The following HDAC4 variants were observed in gnomAD, a reference collection of about 807,000 sequenced individuals.
The protein encoded by HDAC4 is histone deacetylase 4, also known as histone deacetylase A.
In HDAC4, 16 loss-of-function variants were observed where a neutral mutation model predicts 135.1. The observed-to-expected ratio is 0.12, with a 90% confidence interval of 0.08 to 0.18. The LOEUF (loss-of-function observed/expected upper bound fraction) is 0.18. Ranked by LOEUF, HDAC4 falls within the 10% of genes least tolerant of loss-of-function variation. HDAC4 has a pLI of 1.00. For missense variants in HDAC4, 1,143 were observed against 1,511.8 expected (o/e 0.76, Z 4.05); for synonymous variants, 685 against 653.4 (o/e 1.05, Z -0.74).
intron 5 of HDAC4, among the ~76,000 whole-genome samples, chr2:239,171,276 A>G (rs2043438636): frequency 1.3e-5 from 2 of 152,232 alleles, no homozygotes; most frequent in African/African-American, 4.8e-5. Context: ...ACGTGCAGAA[A>G]AAAATAAGAT....
chr2:239,205,919 G>A (rs962536159), intron 3 of HDAC4, among the ~76,000 whole-genome samples: 1 of 152,154 alleles, frequency 6.6e-6, no homozygotes, highest in Non-Finnish European at 1.5e-5. Flanking sequence ...ATGCAGTAAC[G>A]TTTCACCTTA....
In HDAC4 at chr2:239,257,486, C is replaced by A. The variant is rs559469659; in HGVS notation, c.23-20822G>T. ...TCTAAGAATCTTTAGTACTTTTGAC[C>A]GCCTCTTGCAGATATTAGGGTTAGG... On this transcript the variant is annotated intron_variant, in intron 2 of 26. Coordinates refer to ENST00000543185, the MANE Select transcript of HDAC4 (RefSeq NM_001378414.1). 1.1e-4 allele frequency among the ~76,000 whole-genome samples: 16 copies of A among 152,200 alleles called. No homozygotes were observed. The South Asian group carries it at 3.3e-3, about 32-fold the overall frequency.
At chr2:239,383,602 C>G (rs562681773) in intron 1 of HDAC4, among the ~76,000 whole-genome samples, 1 of 152,148 alleles carries the variant, frequency 6.6e-6, no homozygotes, top group African/African-American at 2.4e-5. Context: ...AAACCCAATA[C>G]GCTCAAAGAG....
At chr2:239,317,566 G>A (rs903616025) in intron 2 of HDAC4, among the ~76,000 whole-genome samples, 2 of 152,152 alleles carry the variant, frequency 1.3e-5, no homozygotes, top group African/African-American at 4.8e-5. Context: ...GGCCAAACTG[G>A]AACAATTTGG....
At chr2:239,375,054 G>A (rs527492781) in intron 1 of HDAC4, among the ~76,000 whole-genome samples, 9 of 152,330 alleles carry the variant, frequency 5.9e-5, no homozygotes, top group Admixed American at 2.6e-4. Context: ...TGCCTGCTGC[G>A]GGCAGGAAGG....
intron 6 of HDAC4, 92 bp from the exon 7 acceptor site, chr2:239,156,865 C>T: frequency 2.0e-6 from 3 of 1,488,820 alleles, no homozygotes; most frequent in Non-Finnish European, 1.9e-6. Flanking sequence ...TGATCTTTCC[C>T]TTGAAACCTC....
chr2:239,256,328 T>A (rs1268206078), intron 2 of HDAC4, among the ~76,000 whole-genome samples: 8 of 152,252 alleles, frequency 5.3e-5, no homozygotes, highest in Admixed American at 5.2e-4. Context: ...GTGTGGGATT[T>A]TTCTTTTTTA....
At chr2:239,084,959 A>G (rs2035779670) in intron 19 of HDAC4, among the ~76,000 whole-genome samples, 1 of 145,592 alleles carries the variant, frequency 6.9e-6, no homozygotes, top group African/African-American at 2.5e-5. Flanking sequence ...CACAAACCAC[A>G]GACACATACA....
At chr2:239,197,847 T>TTGTGTGTG (rs368801140) in intron 3 of HDAC4, among the ~76,000 whole-genome samples, 11,376 of 140,088 alleles carry the variant, frequency 0.081, 819 homozygotes, top group African/African-American at 0.18. Flanking sequence ...CACTAAAAGT[T>TTGTGTGTG]TGTGTGTGTG....
At chr2:239,079,382 C>G (rs968943017) in intron 22 of HDAC4, among the ~76,000 whole-genome samples, 5 of 152,222 alleles carry the variant, frequency 3.3e-5, no homozygotes, top group African/African-American at 1.2e-4. Flanking sequence ...ACAGCCCGGG[C>G]TCACTGCCGG....
chr2:239,052,920 T>G lies in HDAC4; in HGVS notation c.*177A>C, dbSNP rs937922247. ...TGCCACGCCCAGGCGTGCATGTGCGTCTCGAGACCTGTGGGCCTGGGCGGC... is the reference window on the plus strand; with the variant it reads ...TGCCACGCCCAGGCGTGCATGTGCGGCTCGAGACCTGTGGGCCTGGGCGGC... On this transcript the variant is annotated 3_prime_UTR_variant, in exon 27 of 27. Coordinates refer to ENST00000543185, the MANE Select transcript of HDAC4 (RefSeq NM_001378414.1). The G allele has an allele frequency of 1.4e-6, 1 of 709,108 alleles. No homozygotes were observed. The highest frequency in any genetic ancestry group is 2.5e-6 in the Non-Finnish European group (1 of 398,054). The allele number at this position is 709,108 out of a possible 1,614,324, so 43.9% of individuals were successfully genotyped here. A position where few individuals can be genotyped will look rare whatever the true frequency, so the allele number is the denominator to read the frequency against.
rs376191458 is a variant in HDAC4 at position 239,314,147 on chromosome 2, A to T, written c.22+38531T>A. ...GCACCTGCAAACACAGGCATGTCCCAGGTGGCACCTCCCAGCACCAGGCAG... is the reference window on the plus strand; with the variant it reads ...GCACCTGCAAACACAGGCATGTCCCTGGTGGCACCTCCCAGCACCAGGCAG... On this transcript the variant is annotated intron_variant, in intron 2 of 26. Coordinates refer to ENST00000543185, the MANE Select transcript of HDAC4 (RefSeq NM_001378414.1). Among the ~76,000 whole-genome samples, 41 of 152,320 alleles carry T rather than the reference A, an allele frequency of 2.7e-4. No homozygotes were observed. In the South Asian group the frequency reaches 7.7e-3, roughly 28 times the overall value.
intron 4 of HDAC4, among the ~76,000 whole-genome samples, chr2:239,177,960 C>T (rs145485668): frequency 1.3e-5 from 2 of 152,220 alleles, no homozygotes; most frequent in Admixed American, 6.5e-5. Flanking sequence ...GAGGGACTCC[C>T]GCAAACCCAG....
At chr2:239,205,450 A>G (rs1342142514) in intron 3 of HDAC4, among the ~76,000 whole-genome samples, 1 of 152,220 alleles carries the variant, frequency 6.6e-6, no homozygotes, top group East Asian at 1.9e-4. Flanking sequence ...TCAAGCTAGA[A>G]TCGCATTCAC....
chr2:239,087,635 C>G (rs2036105501), intron 18 of HDAC4, 21 bp from the exon 19 acceptor site: 1 of 1,612,290 alleles, frequency 6.2e-7, no homozygotes, highest in Non-Finnish European at 8.5e-7. Context: ...CACCAGACAG[C>G]CAGGAGAGAG....
At chr2:239,249,274 C>T (rs138543379) in intron 2 of HDAC4, among the ~76,000 whole-genome samples, 2,286 of 152,334 alleles carry the variant, frequency 0.015, 35 homozygotes, top group Non-Finnish European at 0.025. Context: ...TAAGGACCTT[C>T]CATTCCGACT....
At chr2:239,288,977 G>A (rs1384680050) in intron 2 of HDAC4, among the ~76,000 whole-genome samples, 9 of 152,200 alleles carry the variant, frequency 5.9e-5, no homozygotes, top group African/African-American at 2.2e-4. Context: ...ACAATTGCAG[G>A]GAGGGGGCTG....
rs185204905 is a variant in HDAC4, at chr2:239,167,038, C to T, written c.491-3115G>A. ...ACAGTGAGGATGAGGACCCAGATGG[C>T]CAGTTGTTGGAGGGGACTGCCCTGC... On this transcript the variant is annotated intron_variant, in intron 5 of 26. Transcript: ENST00000543185. The surrounding 1 kb of genome is among the most constrained non-coding windows in gnomAD (Gnocchi z 4.1). 1.3e-5 allele frequency among the ~76,000 whole-genome samples: 2 copies of T among 151,944 alleles called. No homozygotes were observed. The highest frequency in any genetic ancestry group is 2.1e-4 in the South Asian group (1 of 4,812).
chr2:239,081,497 C>T (rs2035323853), intron 21 of HDAC4, among the ~76,000 whole-genome samples: 1 of 152,244 alleles, frequency 6.6e-6, no homozygotes, highest in East Asian at 1.9e-4. Flanking sequence ...GTGTTGTGTG[C>T]CGTGTGTTAC....
Sources: gnomAD v4.1 joint callset for allele counts (sites outside exome capture counted in the v4.1 genomes callset) on GRCh38, gnomAD v4.1.1 for gene constraint, Gnocchi (gnomAD v3.1) non-coding constraint, MANE v1.5 for transcripts, NCBI Gene and HGNC (gene_info 2026-07-23, HGNC 2026-07-21) for gene names.